RBFOX1: variants seen among roughly 807,000 people sequenced by gnomAD.
RBFOX1 encodes RNA binding protein fox-1 homolog 1.
RBFOX1 carries 8 observed loss-of-function variants against 57.7 expected under a neutral mutation model. The ratio of observed to expected loss-of-function variants is 0.14; its 90% confidence interval spans 0.08 to 0.25. The LOEUF (loss-of-function observed/expected upper bound fraction) is 0.25, where lower values mean the gene tolerates loss of function less well. Among genes scored for constraint, RBFOX1 ranks in the 10% least tolerant of loss-of-function variants. The pLI, the probability that RBFOX1 is intolerant of heterozygous loss-of-function variation, is 1.00. For synonymous variants in RBFOX1, 326 were observed against 222.4 expected, an observed-to-expected ratio of 1.47 and a Z score of -4.15; for missense variants, 611 against 548.5, an observed-to-expected ratio of 1.11 and a Z score of -1.14.
At chr16:6,476,165 A>C (rs939987225) in intron 2 of RBFOX1, among the ~76,000 whole-genome samples, 2 of 152,236 alleles carry the variant, frequency 1.3e-5, no homozygotes, top group Non-Finnish European at 2.9e-5. Context: ...CTGTTTGAAA[A>C]ATAGAGAAAT....
At chr16:5,977,585 C>T (rs1365470135) in intron 4 of RBFOX1, among the ~76,000 whole-genome samples, 1 of 152,168 alleles carries the variant, frequency 6.6e-6, no homozygotes, top group African/African-American at 2.4e-5. Flanking sequence ...GAAACAGCCT[C>T]CAGCTTCTGG....
chr16:6,024,957 C>T (rs2095159219), intron 1 of RBFOX1, among the ~76,000 whole-genome samples: 1 of 152,186 alleles, frequency 6.6e-6, no homozygotes, highest in African/African-American at 2.4e-5. Context: ...GAGAAGGGGA[C>T]CAACAAGCAC....
At chr16:7,229,365 G>C (rs770924499) in intron 4 of RBFOX1, among the ~76,000 whole-genome samples, 30 of 152,140 alleles carry the variant, frequency 2.0e-4, no homozygotes, top group Non-Finnish European at 3.7e-4. Flanking sequence ...TAACCTTAAA[G>C]ATAATGAAGT....
intron 4 of RBFOX1, among the ~76,000 whole-genome samples, chr16:7,106,433 GAGAA>G (rs781104569): frequency 3.3e-5 from 5 of 151,996 alleles, no homozygotes; most frequent in Non-Finnish European, 7.4e-5. Context: ...GTGTTAAACA[GAGAA>G]AGAAAAAAAC....
chr16:6,965,119 C>G (rs753043068), intron 3 of RBFOX1, among the ~76,000 whole-genome samples: 7 of 152,068 alleles, frequency 4.6e-5, no homozygotes, highest in Non-Finnish European at 4.4e-5. Context: ...TATCTAGACT[C>G]TGCCTCCATG....
At chr16:5,704,396 G>A (rs1029670046) in intron 3 of RBFOX1, among the ~76,000 whole-genome samples, 62 of 152,018 alleles carry the variant, frequency 4.1e-4, no homozygotes, top group Admixed American at 3.5e-3. Flanking sequence ...TCTGGGGGTC[G>A]CCACAACTCA....
intron 4 of RBFOX1, among the ~76,000 whole-genome samples, chr16:7,371,749 T>C (rs2097570395): frequency 6.6e-6 from 1 of 151,960 alleles, no homozygotes; most frequent in Non-Finnish European, 1.5e-5. Context: ...AAACTCTATC[T>C]GCAAAAAAGA....
chr16:6,732,735 G>C (rs17141167), intron 3 of RBFOX1, among the ~76,000 whole-genome samples: 2,530 of 152,298 alleles, frequency 0.017, 154 homozygotes, highest in Admixed American at 0.11. Flanking sequence ...TGCCATGGGA[G>C]AACTAGCACA....
chr16:7,253,063 G>A (rs923477593), intron 4 of RBFOX1, among the ~76,000 whole-genome samples: 15 of 152,044 alleles, frequency 9.9e-5, no homozygotes, highest in African/African-American at 2.4e-4. Context: ...TTTCATTTAC[G>A]CTCTTATAAT....
intron 11 of RBFOX1, among the ~76,000 whole-genome samples, chr16:7,638,448 G>A (rs1051500269): frequency 2.0e-5 from 3 of 152,136 alleles, no homozygotes; most frequent in Non-Finnish European, 4.4e-5. Flanking sequence ...AAACAGGATG[G>A]ACTCCAAGAA....
chr16:5,247,939 G>A (rs1199719685), intron 1 of RBFOX1, among the ~76,000 whole-genome samples: 1 of 152,162 alleles, frequency 6.6e-6, no homozygotes, highest in Non-Finnish European at 1.5e-5. Flanking sequence ...TTTTGAGTGG[G>A]GTTTCCTCAC....
intron 3 of RBFOX1, among the ~76,000 whole-genome samples, chr16:6,822,099 C>T (rs1353342927): frequency 1.3e-5 from 2 of 152,068 alleles, no homozygotes; most frequent in Non-Finnish European, 2.9e-5. Flanking sequence ...GATTTTTCTG[C>T]AGCTACTGGG....
intron 1 of RBFOX1, among the ~76,000 whole-genome samples, chr16:6,227,032 G>A (rs369225969): frequency 1.3e-5 from 2 of 151,858 alleles, no homozygotes; most frequent in East Asian, 1.9e-4. Flanking sequence ...GCTGAGGCAG[G>A]ATAATCGCTT....
intron 4 of RBFOX1, among the ~76,000 whole-genome samples, chr16:7,319,712 A>G (rs1218651266): frequency 1.3e-5 from 2 of 152,164 alleles, no homozygotes; most frequent in Admixed American, 1.3e-4. Context: ...TAGCAATTAC[A>G]TCAACATCCT....
intron 4 of RBFOX1, among the ~76,000 whole-genome samples, chr16:5,981,192 C>G (rs911620931): frequency 2.8e-4 from 42 of 152,128 alleles, no homozygotes; most frequent in African/African-American, 9.4e-4. Flanking sequence ...AATAATAGTA[C>G]AGGCTCTGCG....
At chr16:5,817,576 C>A (rs2055687547) in intron 3 of RBFOX1, among the ~76,000 whole-genome samples, 1 of 151,962 alleles carries the variant, frequency 6.6e-6, no homozygotes, top group Non-Finnish European at 1.5e-5. Flanking sequence ...CACCAAGACC[C>A]TTAGTGGGAG....
At chr16:7,165,961 C>CAT (rs1192939963) in intron 4 of RBFOX1, among the ~76,000 whole-genome samples, 9,268 of 115,164 alleles carry the variant, frequency 0.08, 671 homozygotes, top group East Asian at 0.43. Flanking sequence ...CACACACACA[C>CAT]ACACATACAT....
rs1239914061 is a variant in RBFOX1 at position 5,747,476 on chromosome 16, T to C, written c.319-119827T>C. 6.6e-5 allele frequency among the ~76,000 whole-genome samples: 10 copies of C among 152,298 alleles called. No homozygotes were observed. In the East Asian group the frequency reaches 1.9e-3, roughly 29 times the overall value. Reference sequence around the variant, plus strand: ...AAGGAATGGTACCAGCTCCTTCTTGTACCTCTGGTAGAATTCGGCTGTGAA... The same window carrying C: ...AAGGAATGGTACCAGCTCCTTCTTGCACCTCTGGTAGAATTCGGCTGTGAA... On this transcript the variant is annotated intron_variant, in intron 3 of 19. Coordinates refer to the RBFOX1 transcript ENST00000641259.
At chr16:6,943,104 C>T (rs2078846877) in intron 3 of RBFOX1, among the ~76,000 whole-genome samples, 1 of 152,142 alleles carries the variant, frequency 6.6e-6, no homozygotes, top group Non-Finnish European at 1.5e-5. Flanking sequence ...CAGGAGGGAG[C>T]CAATCTGGGT....
Sources: allele counts gnomAD v4.1 joint callset (sites outside exome capture counted in the v4.1 genomes callset), GRCh38; gene constraint gnomAD v4.1.1; transcripts MANE v1.5; gene names NCBI Gene and HGNC (gene_info 2026-07-23, HGNC 2026-07-21).